SLIT2: variants seen among roughly 807,000 people sequenced by gnomAD.
SLIT2 encodes the protein slit homolog 2 protein.
SLIT2 carries 41 observed loss-of-function variants against 185.7 expected under a neutral mutation model. That is an observed-to-expected ratio of 0.22 (90% CI 0.17 to 0.29). The LOEUF (loss-of-function observed/expected upper bound fraction) is 0.29. Among genes scored for constraint, SLIT2 ranks in the 10% least tolerant of loss-of-function variants. The pLI is 1.00. For synonymous variants in SLIT2, 693 were observed against 680.2 expected (o/e 1.02, Z -0.29); for missense variants, 1,571 against 1,909.0 (o/e 0.82, Z 3.30).
intron 4 of SLIT2, among the ~76,000 whole-genome samples, chr4:20,461,240 A>G (rs1713674524): frequency 6.6e-6 from 1 of 152,220 alleles, no homozygotes; most frequent in African/African-American, 2.4e-5. Flanking sequence ...GATCATATAA[A>G]AGGAGAATTA....
intron 29 of SLIT2, among the ~76,000 whole-genome samples, chr4:20,579,158 G>A (rs970348966): frequency 6.6e-6 from 1 of 151,948 alleles, no homozygotes; most frequent in African/African-American, 2.4e-5. Flanking sequence ...AAATCAGCTG[G>A]GCGTGGTGGT....
chr4:20,289,445 T>C (rs879196231), intron 4 of SLIT2, among the ~76,000 whole-genome samples: 6 of 152,218 alleles, frequency 3.9e-5, no homozygotes, highest in Non-Finnish European at 5.9e-5. Flanking sequence ...TTTTGTCTCA[T>C]CTAGACTCCA....
intron 12 of SLIT2, among the ~76,000 whole-genome samples, chr4:20,519,724 C>A (rs948345383): frequency 6.6e-6 from 1 of 152,066 alleles, no homozygotes; most frequent in Non-Finnish European, 1.5e-5. Context: ...CAATCCCTGT[C>A]TTTGTAAAAC....
At chr4:20,542,822 G>GTGTT (rs1477596786) in intron 21 of SLIT2, among the ~76,000 whole-genome samples, 196 bp downstream of exon 21, 1 of 56,782 alleles carries the variant, frequency 1.8e-5, no homozygotes, top group Non-Finnish European at 3.1e-5. Context: ...CTGTGTGTGT[G>GTGTT]TGTGTGTGTG....
intron 4 of SLIT2, among the ~76,000 whole-genome samples, chr4:20,327,447 T>C (rs887424015): frequency 6.6e-6 from 1 of 152,184 alleles, no homozygotes; most frequent in Non-Finnish European, 1.5e-5. Context: ...AAAGTTATTT[T>C]AGAAAAATTA....
At chr4:20,275,645 T>C (rs767753534) in intron 4 of SLIT2, among the ~76,000 whole-genome samples, 6 of 152,166 alleles carry the variant, frequency 3.9e-5, no homozygotes, top group Non-Finnish European at 8.8e-5. Context: ...TGACATAAAA[T>C]GTGCATTTGT....
intron 25 of SLIT2, chr4:20,552,395 AATTTTAT>A (rs1227036153): frequency 6.7e-6 from 1 of 150,318 alleles, no homozygotes; most frequent in African/African-American, 2.4e-5. Flanking sequence ...TATATAAAGA[AATTTTAT>A]ATTTTATATT....
At chr4:20,468,916 G>A (rs1040088447) in intron 5 of SLIT2, among the ~76,000 whole-genome samples, 1 of 150,048 alleles carries the variant, frequency 6.7e-6, no homozygotes, top group East Asian at 2.0e-4. Context: ...ACAACTGTTT[G>A]TAAAGCCACA....
chr4:20,270,569 G>A (rs549318817), intron 4 of SLIT2, among the ~76,000 whole-genome samples: 2 of 152,062 alleles, frequency 1.3e-5, no homozygotes, highest in African/African-American at 4.8e-5. Context: ...TTGGAAAATG[G>A]GGAAACAGGC....
intron 4 of SLIT2, among the ~76,000 whole-genome samples, chr4:20,354,676 T>A (rs886077573): frequency 1.3e-5 from 2 of 152,164 alleles, no homozygotes; most frequent in African/African-American, 4.8e-5. Flanking sequence ...GCTATAAATG[T>A]CTTTACTCTT....
At chr4:20,391,029 G>T (rs1463353180) in intron 4 of SLIT2, among the ~76,000 whole-genome samples, 1 of 151,818 alleles carries the variant, frequency 6.6e-6, no homozygotes, top group Non-Finnish European at 1.5e-5. Context: ...TCCACTTAAA[G>T]ATGGAAAACA....
At chr4:20,574,140 G>C (rs1453677634) in intron 29 of SLIT2, among the ~76,000 whole-genome samples, 1 of 151,688 alleles carries the variant, frequency 6.6e-6, no homozygotes, top group East Asian at 2.0e-4. Flanking sequence ...ATTTTTAGTA[G>C]AGACGGGATT....
rs1491251102 is a variant in SLIT2, at chr4:20,472,531, TAG to T, written c.467+4710_467+4711del. On this transcript the variant is annotated intron_variant, in intron 5 of 36. Coordinates refer to ENST00000504154, the MANE Select transcript of SLIT2 (RefSeq NM_004787.4). ...ATATAGATAGATATATATCTATATATAGATATATCTATATCTATATATAGATA... is the reference window on the plus strand; with the variant it reads ...ATATAGATAGATATATATCTATATATATATATCTATATCTATATATAGATA... Among the ~76,000 whole-genome samples, 105 of 23,312 alleles carry T rather than the reference TAG, an allele frequency of 4.5e-3. 3 individuals carry two copies. Among genetic ancestry groups the T allele is most frequent in the East Asian group, 6.4e-3 (2 of 312 alleles). 15.3% of individuals were successfully genotyped at this position (23,312 alleles called of 152,430 possible).
chr4:20,379,583 G>A (rs1462870772), intron 4 of SLIT2, among the ~76,000 whole-genome samples: 1 of 152,108 alleles, frequency 6.6e-6, no homozygotes, highest in Admixed American at 6.6e-5. Context: ...GTGAATGTGT[G>A]TTCTTTACTG....
At chr4:20,579,975 A>G in intron 29 of SLIT2, among the ~76,000 whole-genome samples, 1 of 137,730 alleles carries the variant, frequency 7.3e-6, no homozygotes, top group East Asian at 2.0e-4. Context: ...AATAATATAT[A>G]TTATATATAT....
intron 4 of SLIT2, among the ~76,000 whole-genome samples, chr4:20,340,635 C>G (rs1225294303): frequency 2.6e-5 from 4 of 152,224 alleles, no homozygotes; most frequent in African/African-American, 7.2e-5. Context: ...GAGTCTCGCT[C>G]TGTCCCCCGG....
At chr4:20,437,132 G>T (rs1729394207) in intron 4 of SLIT2, among the ~76,000 whole-genome samples, 1 of 152,032 alleles carries the variant, frequency 6.6e-6, no homozygotes, top group Admixed American at 6.6e-5. Flanking sequence ...TTTATCTTTA[G>T]TCAGGACCTG....
chr4:20,371,260 T>C (rs972171296), intron 4 of SLIT2, among the ~76,000 whole-genome samples: 30 of 152,104 alleles, frequency 2.0e-4, no homozygotes, highest in African/African-American at 7.0e-4. Context: ...CAGTCACTCA[T>C]ACACTAACAC....
intron 29 of SLIT2, among the ~76,000 whole-genome samples, chr4:20,571,571 T>G (rs61790681): frequency 0.27 from 41,170 of 151,950 alleles, 5,937 homozygotes; most frequent in Non-Finnish European, 0.32. Context: ...GGCTCTAGAG[T>G]TTTATATCCT....
Sources: gnomAD v4.1 joint callset for allele counts (sites outside exome capture counted in the v4.1 genomes callset) on GRCh38, gnomAD v4.1.1 for gene constraint, MANE v1.5 for transcripts, NCBI Gene and HGNC (gene_info 2026-07-23, HGNC 2026-07-21) for gene names.